CPNE4: variants seen among roughly 807,000 people sequenced by gnomAD.
CPNE4 encodes copine 4, also known as copine-4.
In CPNE4, 25 loss-of-function variants were observed where a neutral mutation model predicts 67.9. The ratio of observed to expected loss-of-function variants is 0.37; its 90% CI spans 0.27 to 0.51. The LOEUF (loss-of-function observed/expected upper bound fraction) is 0.51, where lower values mean the gene tolerates loss of function less well. Ranked by LOEUF, CPNE4 falls within the 20% of genes least tolerant of loss-of-function variation. The pLI is 0.93. For synonymous variants in CPNE4, 242 were observed against 244.9 expected, an observed-to-expected ratio of 0.99 and a Z score of 0.11; for missense variants, 464 against 690.8, an observed-to-expected ratio of 0.67 and a Z score of 3.68.
At chr3:131,973,493 T>G (rs190505072) in intron 1 of CPNE4, among the ~76,000 whole-genome samples, 1 of 152,220 alleles carries the variant, frequency 6.6e-6, no homozygotes, top group Admixed American at 6.5e-5. Context: ...ATTGATTAAC[T>G]TATTCTTCAG....
intron 7 of CPNE4, among the ~76,000 whole-genome samples, chr3:131,605,818 C>A (rs1381903475): frequency 1.3e-5 from 2 of 152,078 alleles, no homozygotes; most frequent in East Asian, 3.9e-4. Flanking sequence ...ACTCCCCAAA[C>A]TTTTGGTTAA....
At position 131,936,696 on chromosome 3, in the gene CPNE4, T is replaced by C. The variant is rs7612019; in HGVS notation, c.-1-31252A>G. ...AAAGCATAGTTCTTAGAAAATGTCA[T>C]GGACATATGAAAATTGTGATGAACA... On this transcript the variant is annotated intron_variant, in intron 1 of 15. Coordinates refer to ENST00000429747, the MANE Select transcript of CPNE4 (RefSeq NM_130808.3). Among the ~76,000 whole-genome samples the C allele has an allele frequency of 6.5e-3, 984 of 151,966 alleles. 14 individuals are homozygous for C. Among genetic ancestry groups the C allele is most frequent in the African/African-American group, 0.022 (912 of 41,450 alleles).
intron 6 of CPNE4, among the ~76,000 whole-genome samples, chr3:131,678,435 C>G (rs570524835): frequency 6.6e-6 from 1 of 152,106 alleles, no homozygotes; most frequent in Admixed American, 6.6e-5. Flanking sequence ...ATTTCTTTCT[C>G]TCGCCTGATT....
Position 131,792,704 on chromosome 3 carries a change from C to CGTGTGTATATATGTATATATAT in CPNE4, c.181-69080_181-69079insATATATATACATATATACACAC, listed in dbSNP as rs1560322982. 9.7e-5 allele frequency among the ~76,000 whole-genome samples: 7 copies of CGTGTGTATATATGTATATATAT among 71,908 alleles called. 2 individuals are homozygous for CGTGTGTATATATGTATATATAT. The highest frequency in any genetic ancestry group is 3.9e-4 in the African/African-American group (6 of 15,398). 47.2% of individuals were successfully genotyped at this position (71,908 alleles called of 152,430 possible). On this transcript the variant is annotated intron_variant, in intron 2 of 15. Coordinates refer to ENST00000429747, the MANE Select transcript of CPNE4 (RefSeq NM_130808.3). ...ACACACGTGTATATATACATATACA[C>CGTGTGTATATATGTATATATAT]ACACGTGTATATATGTATATATATA...
chr3:131,632,818 T>C (rs1215354913), intron 7 of CPNE4, among the ~76,000 whole-genome samples: 1 of 152,170 alleles, frequency 6.6e-6, no homozygotes, highest in East Asian at 1.9e-4. Context: ...GGTCCTATAA[T>C]TCTTTGTGGT....
At chr3:131,802,345 AGG>A (rs1319993299) in intron 2 of CPNE4, among the ~76,000 whole-genome samples, 2 of 152,178 alleles carry the variant, frequency 1.3e-5, no homozygotes, top group Non-Finnish European at 2.9e-5. Flanking sequence ...TATTCTAACA[AGG>A]TAATTCATAC....
chr3:131,571,705 C>T (rs764184267), intron 10 of CPNE4, among the ~76,000 whole-genome samples: 8 of 151,882 alleles, frequency 5.3e-5, no homozygotes, highest in African/African-American at 9.7e-5. Context: ...CTTCATCTCT[C>T]GTTCCCCCAT....
At chr3:131,717,957 CTCTT>C (rs1403745408) in intron 3 of CPNE4, among the ~76,000 whole-genome samples, 106 of 131,262 alleles carry the variant, frequency 8.1e-4, no homozygotes, top group African/African-American at 2.9e-3. Flanking sequence ...CTTTCTTTCT[CTCTT>C]TCTTTCTCTC....
chr3:131,848,757 T>C (rs1301026903), intron 2 of CPNE4, among the ~76,000 whole-genome samples: 2 of 151,392 alleles, frequency 1.3e-5, no homozygotes, highest in Admixed American at 6.6e-5. Flanking sequence ...AATTCTTTAA[T>C]CACTCCAAAT....
chr3:131,564,254 A>G lies in CPNE4; in HGVS notation c.1023T>C (p.Ala341=), dbSNP rs1936942243. ...HPYQPNEYLK[A]LVAVGEICQD... Reference sequence around the variant, plus strand: ...GGCAAATCTCCCCCACAGCTACCAAAGCTTTCAGATACTCATTGGGTTGGT... The same window carrying G: ...GGCAAATCTCCCCCACAGCTACCAAGGCTTTCAGATACTCATTGGGTTGGT... The change falls in exon 11 of 16, where the codon GCT becomes GCC. Residue 341 remains alanine (A), a synonymous_variant. Transcript: ENST00000429747. 1 of 1,612,994 alleles carries G rather than the reference A, an allele frequency of 6.2e-7. No individual in the cohort carries two copies.
intron 2 of CPNE4, among the ~76,000 whole-genome samples, chr3:131,749,250 T>G (rs1436240059): frequency 4.6e-5 from 7 of 152,170 alleles, no homozygotes; most frequent in Non-Finnish European, 4.4e-5. Flanking sequence ...GTTTTTCAAG[T>G]GAAGATTTTT....
At chr3:131,675,948 A>T (rs1275487910) in intron 6 of CPNE4, among the ~76,000 whole-genome samples, 3 of 140,624 alleles carry the variant, frequency 2.1e-5, no homozygotes, top group African/African-American at 8.3e-5. Context: ...ATGTTTTTTT[A>T]AATTTATTGG....
intron 7 of CPNE4, among the ~76,000 whole-genome samples, chr3:131,609,349 C>T (rs912127003): frequency 6.6e-6 from 1 of 152,130 alleles, no homozygotes; most frequent in African/African-American, 2.4e-5. Flanking sequence ...TGGGTGGGTA[C>T]ATTTCCTAGC....
chr3:131,563,353 C>T (rs1936888379), intron 11 of CPNE4, among the ~76,000 whole-genome samples: 1 of 151,970 alleles, frequency 6.6e-6, no homozygotes, highest in Admixed American at 6.6e-5. Flanking sequence ...TTTATATTTA[C>T]ATTGGTTTCA....
chr3:131,682,417 G>A lies in CPNE4; in HGVS notation c.591+3458C>T, dbSNP rs531469099. On this transcript the variant is annotated intron_variant, in intron 6 of 15. Coordinates refer to ENST00000429747, the MANE Select transcript of CPNE4 (RefSeq NM_130808.3). ...CTTGTAGAGGTACAGTGGTGGTCTT[G>A]GATAAGATCTGGAAGAATTCCCTGG... Among the ~76,000 whole-genome samples, 4 of 152,134 alleles carry A rather than the reference G, an allele frequency of 2.6e-5. No individual in the cohort carries two copies. In the East Asian group the frequency reaches 7.8e-4, roughly 30 times the overall value.
chr3:131,681,412 T>C (rs2080751303), intron 6 of CPNE4, among the ~76,000 whole-genome samples: 1 of 152,212 alleles, frequency 6.6e-6, no homozygotes, highest in Non-Finnish European at 1.5e-5. Flanking sequence ...CATTCTAGGA[T>C]ACAAGTTTTT....
At chr3:131,831,619 C>T (rs961510326) in intron 2 of CPNE4, among the ~76,000 whole-genome samples, 1 of 152,106 alleles carries the variant, frequency 6.6e-6, no homozygotes, top group African/African-American at 2.4e-5. Flanking sequence ...TTAAAAGATA[C>T]AGAAACATAC....
intron 7 of CPNE4, among the ~76,000 whole-genome samples, chr3:131,609,545 G>A (rs1242852546): frequency 2.0e-5 from 3 of 152,140 alleles, no homozygotes; most frequent in Non-Finnish European, 1.5e-5. Context: ...CTGAATCATT[G>A]TATGAAGACT....
intron 1 of CPNE4, among the ~76,000 whole-genome samples, chr3:132,014,442 G>A (rs1122856): frequency 0.36 from 55,195 of 152,030 alleles, 10,843 homozygotes; most frequent in South Asian, 0.49. Flanking sequence ...GTCGCCTGAG[G>A]AGGAGGAGGG....
Sources: gnomAD v4.1 joint callset for allele counts (sites outside exome capture counted in the v4.1 genomes callset) on GRCh38, gnomAD v4.1.1 for gene constraint, MANE v1.5 for transcripts, NCBI Gene and HGNC (gene_info 2026-07-23, HGNC 2026-07-21) for gene names.